The following ITGA11 variants were observed in gnomAD, a reference collection of about 807,000 sequenced individuals.
ITGA11 encodes integrin alpha-11.
ITGA11 carries 97 observed loss-of-function variants against 141.9 expected under a neutral mutation model. The ratio of observed to expected loss-of-function variants is 0.68; its 90% confidence interval spans 0.58 to 0.81. ITGA11 has a LOEUF of 0.81. Among genes scored for constraint, ITGA11 ranks in the 30% least tolerant of loss-of-function variants. The probability of loss-of-function intolerance (pLI) is 0.00; values close to 1 mark genes in which losing one functional copy is unlikely to be tolerated. For synonymous variants in ITGA11, 658 were observed against 624.6 expected, an observed-to-expected ratio of 1.05 and a Z score of -0.80; for missense variants, 1,387 against 1,559.2, an observed-to-expected ratio of 0.89 and a Z score of 1.86.
chr15:68,372,307 C>T (rs1003278494), intron 2 of ITGA11, among the ~76,000 whole-genome samples: 1 of 152,106 alleles, frequency 6.6e-6, no homozygotes, highest in Admixed American at 6.5e-5. Flanking sequence ...AGCCAAATTG[C>T]CTGGGGTCTG....
Position 68,332,611 on chromosome 15 carries a change from C to T in ITGA11, c.1426-133G>A, listed in dbSNP as rs574619647. 12 of 972,796 alleles carry T rather than the reference C, an allele frequency of 1.2e-5. No individual in the cohort carries two copies. The Admixed American group carries it at 2.9e-4, about 24-fold the overall frequency. 60.3% of individuals were successfully genotyped at this position (972,796 alleles called of 1,614,324 possible). A position where few individuals can be genotyped will look rare whatever the true frequency, so the allele number is the denominator to read the frequency against. ...TTTTTGGTGAACAAATGGATCCTCCCTTCTCACGCGCTACCTCTCTCTCCT... is the reference window on the plus strand; with the variant it reads ...TTTTTGGTGAACAAATGGATCCTCCTTTCTCACGCGCTACCTCTCTCTCCT... On this transcript the variant is annotated intron_variant, in intron 12 of 29. Coordinates refer to ENST00000315757, the MANE Select transcript of ITGA11 (RefSeq NM_001004439.2).
intron 26 of ITGA11, 127 bp downstream of exon 26, chr15:68,310,867 G>A (rs1893355588): frequency 1.4e-6 from 1 of 690,582 alleles, no homozygotes; most frequent in African/African-American, 1.8e-5. Context: ...TTTGGGGCTG[G>A]GTACATACAG....
At chr15:68,340,757 T>G (rs1159295431) in intron 10 of ITGA11, 2 of 152,174 alleles carry the variant, frequency 1.3e-5, no homozygotes, top group Non-Finnish European at 2.9e-5. Flanking sequence ...CTCTCTCTCC[T>G]GTATCCCCGA....
chr15:68,385,710 G>A (rs1001306665), intron 2 of ITGA11, among the ~76,000 whole-genome samples: 1 of 152,182 alleles, frequency 6.6e-6, no homozygotes, highest in Non-Finnish European at 1.5e-5. Flanking sequence ...TATTCCCGGT[G>A]GAAATGCTGC....
At chr15:68,416,690 C>G (rs552736095) in intron 1 of ITGA11, among the ~76,000 whole-genome samples, 1 of 152,098 alleles carries the variant, frequency 6.6e-6, no homozygotes, top group African/African-American at 2.4e-5. Flanking sequence ...CTTTGGGAGG[C>G]GGATTGCCTG....
chr15:68,368,860 C>CGT (rs561706203), intron 3 of ITGA11, among the ~76,000 whole-genome samples: 3 of 134,854 alleles, frequency 2.2e-5, no homozygotes, highest in Non-Finnish European at 3.1e-5. Context: ...ACAGGAAGTC[C>CGT]TTTTTTTTTT....
At chr15:68,312,595 A>G (rs1379042896) in intron 24 of ITGA11, among the ~76,000 whole-genome samples, 178 bp downstream of exon 24, 1 of 152,220 alleles carries the variant, frequency 6.6e-6, no homozygotes, top group Non-Finnish European at 1.5e-5. Context: ...GTTGTTTTTC[A>G]AAAGAAGACT....
At chr15:68,389,552 T>A (rs1896066876) in intron 2 of ITGA11, among the ~76,000 whole-genome samples, 1 of 152,238 alleles carries the variant, frequency 6.6e-6, no homozygotes, top group East Asian at 1.9e-4. Context: ...TTATTAATTA[T>A]GTCATCATTT....
chr15:68,398,263 C>T (rs532844676), intron 2 of ITGA11, among the ~76,000 whole-genome samples: 12 of 151,948 alleles, frequency 7.9e-5, no homozygotes, highest in East Asian at 3.9e-4. Context: ...ACCCATCTCA[C>T]GTGCAGAGAC....
chr15:68,358,915 T>G (rs1020764787), intron 5 of ITGA11, among the ~76,000 whole-genome samples: 1 of 152,248 alleles, frequency 6.6e-6, no homozygotes, highest in African/African-American at 2.4e-5. Flanking sequence ...TGGTATTGTT[T>G]GTTTTGCTGT....
At chr15:68,332,585 A>G in intron 12 of ITGA11, 107 bp from the exon 13 acceptor site, 1 of 1,315,936 alleles carries the variant, frequency 7.6e-7, no homozygotes, top group Non-Finnish European at 1.0e-6. Context: ...TTGACTCAGA[A>G]TTTTTGGTGA....
At chr15:68,359,836 C>T (rs558195153) in intron 5 of ITGA11, among the ~76,000 whole-genome samples, 9 of 152,154 alleles carry the variant, frequency 5.9e-5, no homozygotes, top group Non-Finnish European at 8.8e-5. Context: ...ATACACTCTG[C>T]GTCTGGGCAT....
Position 68,351,274 on chromosome 15 carries a change from G to C in ITGA11, c.878C>G (p.Thr293Arg). 6.2e-7 allele frequency: 1 copy of C among 1,614,014 alleles called. No individual in the cohort carries two copies. Among genetic ancestry groups the C allele is most frequent in the Non-Finnish European group, 8.5e-7 (1 of 1,179,884 alleles). The change falls in exon 8 of 30, where the codon ACA becomes AGA. Residue 293 changes from threonine to arginine, a missense_variant. By Grantham distance (71) the Thr-to-Arg change is moderately conservative. Coordinates refer to ENST00000315757, the MANE Select transcript of ITGA11 (RefSeq NM_001004439.2). ...AGGACTTACGGCCACCGCATATCTT[G>C]TTACGTTGTCTCTTTCGCTTTGCTG... is the stretch of plus-strand genomic sequence containing the variant. ...VIQQSERDNV[T>R]RYAVAVLGYY...
chr15:68,406,320 G>A (rs189882724), intron 1 of ITGA11, among the ~76,000 whole-genome samples: 73 of 152,170 alleles, frequency 4.8e-4, no homozygotes, highest in Admixed American at 4.1e-3. Flanking sequence ...TAATCTCACC[G>A]CATTCACTCT....
chr15:68,361,913 A>G, intron 4 of ITGA11: 1 of 490,334 alleles, frequency 2.0e-6, no homozygotes. Context: ...AATGGAGAAA[A>G]ACTGATCTTG....
intron 2 of ITGA11, among the ~76,000 whole-genome samples, chr15:68,370,372 G>A (rs1279854366): frequency 6.6e-6 from 1 of 152,156 alleles, no homozygotes; most frequent in Non-Finnish European, 1.5e-5. Context: ...CACCCCCACT[G>A]ATGCTGGGGA....
In ITGA11 at chr15:68,326,519, G is replaced by A. The variant is rs1237549954; in HGVS notation, c.2211+135C>T. ...TGGGAATGTGGAGTGGCCAAGGTCA[G>A]GGTACACTGTCCCTGGCTGGCTTCC... On this transcript the variant is annotated intron_variant, in intron 17 of 29. Transcript: ENST00000315757. The surrounding 1 kb of genome is among the most constrained non-coding windows in gnomAD (Gnocchi z 6.8). 6.5e-6 allele frequency: 6 copies of A among 928,894 alleles called. No individual in the cohort carries two copies. The highest frequency in any genetic ancestry group is 9.5e-6 in the Non-Finnish European group (6 of 633,384). The allele number at this position is 928,894 out of a possible 1,614,324, so 57.5% of individuals were successfully genotyped here.
rs1306000716 is a variant in ITGA11 at position 68,324,215 on chromosome 15, G to T, written c.2322+916C>A. 1.3e-5 allele frequency among the ~76,000 whole-genome samples: 2 copies of T among 152,002 alleles called. No individual in the cohort carries two copies. The highest frequency in any genetic ancestry group is 4.8e-5 in the African/African-American group (2 of 41,390). On this transcript the variant is annotated intron_variant, in intron 18 of 29. Transcript: ENST00000315757. The surrounding 1 kb of genome is among the most constrained non-coding windows in gnomAD (Gnocchi z 6.3). ...AGAGGGGTGTGGAGGGGCTGTGGGG[G>T]ATGATGGGTGTGAATGAGAGAAGGG...
intron 2 of ITGA11, among the ~76,000 whole-genome samples, chr15:68,373,950 T>A (rs1895662420): frequency 6.6e-6 from 1 of 152,206 alleles, no homozygotes; most frequent in Admixed American, 6.5e-5. Flanking sequence ...AGACATAGGC[T>A]CAATGACTAC....
Sources: allele counts gnomAD v4.1 joint callset (sites outside exome capture counted in the v4.1 genomes callset), GRCh38; gene constraint gnomAD v4.1.1; non-coding constraint Gnocchi (gnomAD v3.1); transcripts MANE v1.5; gene names NCBI Gene and HGNC (gene_info 2026-07-23, HGNC 2026-07-21).